Variants in PCDHA12 observed in about 807,000 individuals in gnomAD.
PCDHA12 encodes the protein protocadherin alpha 12.
A neutral mutation model predicts 60.0 loss-of-function variants in PCDHA12; 44 were observed. That is an observed-to-expected ratio of 0.73 (90% CI 0.58 to 0.94). The LOEUF (loss-of-function observed/expected upper bound fraction) is 0.94. Among genes scored for constraint, PCDHA12 ranks in the 40% least tolerant of loss-of-function variants. The pLI is 0.00. For missense variants in PCDHA12, 1,276 were observed against 1,239.7 expected, an observed-to-expected ratio of 1.03 and a Z score of -0.44; for synonymous variants, 569 against 553.0, an observed-to-expected ratio of 1.03 and a Z score of -0.40.
At chr5:140,949,371 C>G (rs932971788) in intron 1 of PCDHA12, among the ~76,000 whole-genome samples, 1 of 151,712 alleles carries the variant, frequency 6.6e-6, no homozygotes, top group African/African-American at 2.4e-5. Flanking sequence ...GTCTAGTTGT[C>G]CTATCAATTG....
At chr5:140,921,473 C>T (rs2080232887) in intron 1 of PCDHA12, among the ~76,000 whole-genome samples, 1 of 152,186 alleles carries the variant, frequency 6.6e-6, no homozygotes, top group African/African-American at 2.4e-5. Flanking sequence ...CACTACCAAA[C>T]CACTCTACCT....
intron 1 of PCDHA12, among the ~76,000 whole-genome samples, chr5:140,947,571 GT>G (rs782708059): frequency 1.8e-4 from 28 of 151,588 alleles, no homozygotes; most frequent in Non-Finnish European, 3.1e-4. Context: ...TATTGGGAAT[GT>G]TTTTAACATT....
intron 1 of PCDHA12, among the ~76,000 whole-genome samples, chr5:140,885,351 G>T (rs2060569192): frequency 1.3e-5 from 2 of 152,052 alleles, no homozygotes; most frequent in Admixed American, 6.5e-5. Context: ...TTTCCAAAAG[G>T]TACTGGTGAC....
chr5:140,902,044 A>AT (rs1222362795), intron 1 of PCDHA12, among the ~76,000 whole-genome samples: 6 of 152,016 alleles, frequency 3.9e-5, no homozygotes, highest in Non-Finnish European at 5.9e-5. Flanking sequence ...TTGTATGTTG[A>AT]TTTTGTATCC....
rs1476497862 is a variant in PCDHA12 at position 140,947,129 on chromosome 5, T to TAGTAAAATG, written c.2368-31819_2368-31811dup. Among the ~76,000 whole-genome samples the TAGTAAAATG allele has an allele frequency of 1.0e-3, 152 of 151,378 alleles. 1 individual carries two copies. Among genetic ancestry groups the TAGTAAAATG allele is most frequent in the African/African-American group, 3.5e-3 (145 of 41,346 alleles). On this transcript the variant is annotated intron_variant, in intron 1 of 3. Transcript: ENST00000398631. The stretch of plus-strand genomic sequence containing the variant: ...TACGTGTCAATTAAAATAATAAAAA[T>TAGTAAAATG]AGTAAAATGTATAGTTACTTCCACG...
At chr5:140,934,957 G>A (rs2090122349) in intron 1 of PCDHA12, among the ~76,000 whole-genome samples, 1 of 152,250 alleles carries the variant, frequency 6.6e-6, no homozygotes, top group Non-Finnish European at 1.5e-5. Context: ...GATCCCATGT[G>A]CTTGTCACCC....
At chr5:140,955,385 G>A (rs1416235573) in intron 1 of PCDHA12, among the ~76,000 whole-genome samples, 4 of 152,216 alleles carry the variant, frequency 2.6e-5, no homozygotes, top group South Asian at 4.1e-4. Flanking sequence ...GAATCATGGG[G>A]GCAATTATCC....
intron 3 of PCDHA12, among the ~76,000 whole-genome samples, chr5:140,982,794 CAT>C (rs1491349118): frequency 4.0e-5 from 6 of 150,946 alleles, no homozygotes; most frequent in Admixed American, 1.3e-4. Context: ...CGCATGTGTG[CAT>C]GTGTGTGTGT....
intron 1 of PCDHA12, among the ~76,000 whole-genome samples, chr5:140,959,348 G>C (rs991931151): frequency 1.3e-5 from 2 of 152,110 alleles, no homozygotes; most frequent in Admixed American, 6.5e-5. Flanking sequence ...GCACTCCAGC[G>C]GGACAACTGA....
chr5:140,883,336 A>G, intron 1 of PCDHA12: 1 of 1,613,866 alleles, frequency 6.2e-7, no homozygotes, highest in Non-Finnish European at 8.5e-7. Flanking sequence ...CTTCTTTGTC[A>G]CTCCCCATCA....
intron 1 of PCDHA12, among the ~76,000 whole-genome samples, chr5:140,925,108 G>A (rs77719760): frequency 1.1e-3 from 139 of 124,762 alleles, no homozygotes; most frequent in African/African-American, 2.5e-3. Flanking sequence ...GAAGGAAGGA[G>A]GGAAGGAAGG....
In PCDHA12 at chr5:140,969,317, G is replaced by T. The variant is rs1554231675; in HGVS notation, c.2368-9632G>T. 3 of 1,614,156 alleles carry T rather than the reference G, an allele frequency of 1.9e-6. No homozygotes were observed. The East Asian group carries it at 6.7e-5, about 36-fold the overall frequency. ...CCTGATTATTCTCAAAAATGAGGCT[G>T]TTTCTCAAAATGAGGTGAGACAGTG... is the stretch of plus-strand genomic sequence containing the variant. On this transcript the variant is annotated intron_variant, in intron 1 of 3. Transcript: ENST00000398631.
At chr5:141,009,604 A>T (rs782247768) in intron 3 of PCDHA12, 23 bp from the exon 4 acceptor site, 2 of 1,608,944 alleles carry the variant, frequency 1.2e-6, no homozygotes, top group East Asian at 4.5e-5. Context: ...CCTGTTAATG[A>T]TTTGTAATGT....
chr5:140,875,418 G>A lies in PCDHA12; in HGVS notation c.-55G>A. ...GGGTGACTGCTCATAAAATACCTCAGGCAAGCGATCCCTTAAAACTGATTG... is the reference window on the plus strand; with the variant it reads ...GGGTGACTGCTCATAAAATACCTCAAGCAAGCGATCCCTTAAAACTGATTG... On this transcript the variant is annotated 5_prime_UTR_variant, in exon 1 of 4. Coordinates refer to ENST00000398631, the MANE Select transcript of PCDHA12 (RefSeq NM_018903.4). 6.6e-7 allele frequency: 1 copy of A among 1,515,104 alleles called. No homozygotes were observed. Among genetic ancestry groups the A allele is most frequent in the Non-Finnish European group, 8.8e-7 (1 of 1,134,382 alleles). The allele number at this position is 1,515,104 out of a possible 1,614,324, so 93.9% of individuals were successfully genotyped here. A position where few individuals can be genotyped will look rare whatever the true frequency, so the allele number is the denominator to read the frequency against.
chr5:140,890,594 T>A (rs1439050160), intron 1 of PCDHA12, among the ~76,000 whole-genome samples: 1 of 152,150 alleles, frequency 6.6e-6, no homozygotes, highest in East Asian at 1.9e-4. Context: ...GAAGCCCTTT[T>A]CCGAATAGCT....
At chr5:140,901,452 A>G (rs1352830826) in intron 1 of PCDHA12, among the ~76,000 whole-genome samples, 1 of 152,120 alleles carries the variant, frequency 6.6e-6, no homozygotes, top group African/African-American at 2.4e-5. Flanking sequence ...TTCCCAGCAC[A>G]GACTGTCTTT....
intron 3 of PCDHA12, among the ~76,000 whole-genome samples, chr5:141,000,411 A>T (rs2097918603): frequency 1.1e-5 from 1 of 94,870 alleles, no homozygotes; most frequent in African/African-American, 4.4e-5. Flanking sequence ...ATATATATAT[A>T]TATATATATA....
intron 1 of PCDHA12, among the ~76,000 whole-genome samples, chr5:140,937,783 G>A (rs1554211789): frequency 6.7e-6 from 1 of 150,256 alleles, no homozygotes; most frequent in African/African-American, 2.5e-5. Context: ...GTGGTGGCGG[G>A]CGTATGTAGT....
chr5:140,919,926 TG>T (rs1366281727), intron 1 of PCDHA12, among the ~76,000 whole-genome samples: 3 of 152,088 alleles, frequency 2.0e-5, no homozygotes, highest in African/African-American at 7.2e-5. Flanking sequence ...AATTTTCAGG[TG>T]GGGGCTAATT....
Sources: gnomAD v4.1 joint callset for allele counts (sites outside exome capture counted in the v4.1 genomes callset) on GRCh38, gnomAD v4.1.1 for gene constraint, MANE v1.5 for transcripts, NCBI Gene and HGNC (gene_info 2026-07-23, HGNC 2026-07-21) for gene names.